The following DNPEP variants were observed in gnomAD, a reference collection of about 807,000 sequenced individuals.
DNPEP encodes the protein aspartyl aminopeptidase.
In DNPEP, 46 loss-of-function variants were observed where a neutral mutation model predicts 59.1. The ratio of observed to expected loss-of-function variants is 0.78; its 90% CI spans 0.61 to 0.99. DNPEP has a LOEUF of 0.99. Ranked by LOEUF, DNPEP falls within the 50% of genes least tolerant of loss-of-function variation. The probability of loss-of-function intolerance (pLI) is 0.00; values close to 1 mark genes in which losing one functional copy is unlikely to be tolerated. For synonymous variants in DNPEP, 229 were observed against 242.2 expected (o/e 0.95, Z 0.50); for missense variants, 617 against 649.9 (o/e 0.95, Z 0.55).
intron 13 of DNPEP, among the ~76,000 whole-genome samples, chr2:219,376,307 G>C (rs1439347716): frequency 2.0e-5 from 3 of 151,926 alleles, no homozygotes; most frequent in Admixed American, 6.6e-5. Context: ...GGCCAACATG[G>C]TGAAACCCTG....
rs751350910 is a variant in DNPEP at position 219,375,024 on chromosome 2, T to A, written c.1240-2A>T. The A allele has an allele frequency of 6.2e-7, 1 of 1,613,810 alleles. No homozygotes were observed. The highest frequency in any genetic ancestry group is 2.2e-5 in the East Asian group (1 of 44,860). ...GGTGTCATTCCGGACCATGAGATCC[T>A]AGGGAGAGCAGGAGACCCATGAGCA... On this transcript the variant is annotated splice_acceptor_variant, in intron 13 of 14. Transcript: ENST00000273075. LOFTEE classifies it high-confidence loss of function.
chr2:219,388,147 G>A, upstream of DNPEP: 1 of 164,620 alleles, frequency 6.1e-6, no homozygotes, highest in Non-Finnish European at 1.1e-5. Context: ...CCTGCCCCTC[G>A]CAGGGCTGCA....
At chr2:219,390,927 G>A (rs962925273), upstream of DNPEP, among the ~76,000 whole-genome samples, 19 of 152,212 alleles carry the variant, frequency 1.2e-4, no homozygotes, top group African/African-American at 3.4e-4. Flanking sequence ...AAGTGTTGGA[G>A]AAGGCTTGGG....
At chr2:219,376,557 T>A (rs1036532179) in intron 13 of DNPEP, among the ~76,000 whole-genome samples, 1 of 151,630 alleles carries the variant, frequency 6.6e-6, no homozygotes, top group African/African-American at 2.4e-5. Flanking sequence ...TGAGACGACA[T>A]TTCACCTTGA....
Position 219,381,722 on chromosome 2 carries a change from A to G in DNPEP, c.1098-138T>C, listed in dbSNP as rs1385610540. On this transcript the variant is annotated intron_variant, in intron 11 of 14. Coordinates refer to ENST00000273075, the MANE Select transcript of DNPEP (RefSeq NM_012100.4). ...CAGTGGGACTTCAGAGTCATTCCAC[A>G]CACAGGGTTCCGGGCAGCCTCTAGC... The G allele has an allele frequency of 5.5e-6, 6 of 1,082,186 alleles. No homozygotes were observed. The African/African-American group carries it at 6.2e-5, about 11-fold the overall frequency. The allele number at this position is 1,082,186 out of a possible 1,614,324, so 67.0% of individuals were successfully genotyped here.
rs1553601060 is a variant in DNPEP, at chr2:219,386,374, T to C, written c.371A>G (p.Gln124Arg). The C allele has an allele frequency of 3.1e-6, 5 of 1,614,236 alleles. No homozygotes were observed. The South Asian group carries it at 4.4e-5, about 14-fold the overall frequency. The change falls in exon 5 of 15, where the codon CAG becomes CGG. Residue 124 changes from glutamine (Q) to arginine (R), a missense_variant. Coordinates refer to ENST00000273075, the MANE Select transcript of DNPEP (RefSeq NM_012100.4). ...RRSRRSQVGF[Q>R]QVGVETYGGG... ...ACCATAGGTCTCCACACCGACTTGC[T>C]GGAAGCCCACCTGGCTGCGGCGAGA... is the stretch of plus-strand genomic sequence containing the variant.
intron 1 of DNPEP, among the ~76,000 whole-genome samples, chr2:219,398,014 T>A (rs1954126658): frequency 1.3e-5 from 2 of 152,198 alleles, no homozygotes. Context: ...GGATTACAGT[T>A]GTGAGCCATC....
chr2:219,387,917 G>A, upstream of DNPEP: 1 of 1,365,318 alleles, frequency 7.3e-7, no homozygotes, highest in Non-Finnish European at 9.4e-7. Flanking sequence ...CGCTTCCCCG[G>A]CCGCGCCGCC....
chr2:219,387,855 C>A lies in DNPEP; in HGVS notation c.-61G>T. The stretch of plus-strand genomic sequence containing the variant: ...CCTGCCCCGCCCCTCACTAGCTTTG[C>A]AGGTCCCCCGCGTGCCCCTTCAGGC... On this transcript the variant is annotated 5_prime_UTR_variant, in exon 1 of 15. Coordinates refer to ENST00000273075, the MANE Select transcript of DNPEP (RefSeq NM_012100.4). The A allele has an allele frequency of 6.6e-7, 1 of 1,506,942 alleles. No individual in the cohort carries two copies. The allele number at this position is 1,506,942 out of a possible 1,614,324, so 93.3% of individuals were successfully genotyped here. A position where few individuals can be genotyped will look rare whatever the true frequency, so the allele number is the denominator to read the frequency against.
In DNPEP at chr2:219,385,503, G is replaced by C; in HGVS notation, c.695C>G (p.Ser232Cys). The change falls in exon 8 of 15, where the codon TCC becomes TGC. Residue 232 changes from serine to cysteine, a missense_variant. By Grantham distance (112) the Ser-to-Cys change is moderately radical (BLOSUM62 -1). Coordinates refer to ENST00000273075, the MANE Select transcript of DNPEP (RefSeq NM_012100.4). ...CAGCCCCAGATGGGCACAGAGCAGG[G>C]ACATGAGGACCGAATGGTGCCGCTC... ...VDERHHSVLM[S>C]LLCAHLGLSP... The C allele has an allele frequency of 6.2e-7, 1 of 1,604,988 alleles. No homozygotes were observed. The highest frequency in any genetic ancestry group is 8.5e-7 in the Non-Finnish European group (1 of 1,172,486).
At chr2:219,386,551 T>C in intron 4 of DNPEP, 114 bp downstream of exon 4, 1 of 1,451,168 alleles carries the variant, frequency 6.9e-7, no homozygotes, top group Non-Finnish European at 9.4e-7. Context: ...CCAACAAGTT[T>C]ACCTTCTCCC....
chr2:219,392,407 C>T (rs1043149235), upstream of DNPEP, among the ~76,000 whole-genome samples: 13 of 151,318 alleles, frequency 8.6e-5, no homozygotes, highest in African/African-American at 2.7e-4. Flanking sequence ...AGGGCAGTGG[C>T]AACCATCTCA....
intron 13 of DNPEP, among the ~76,000 whole-genome samples, chr2:219,376,744 T>C (rs1953389565): frequency 6.6e-6 from 1 of 152,158 alleles, no homozygotes; most frequent in African/African-American, 2.4e-5. Flanking sequence ...CTAATGAAAT[T>C]ACTGATTTAG....
intron 1 of DNPEP, chr2:219,387,408 G>A (rs935712572): frequency 1.4e-6 from 2 of 1,437,786 alleles, no homozygotes; most frequent in South Asian, 3.0e-5. Context: ...GACTCCCTAA[G>A]TCCCGCCCCC....
intron 10 of DNPEP, 26 bp from the exon 11 acceptor site, chr2:219,382,165 G>T: frequency 6.3e-7 from 1 of 1,599,456 alleles, no homozygotes; most frequent in East Asian, 2.2e-5. Context: ...TCCTGACTCT[G>T]GGAATCTGGG....
At chr2:219,385,805 C>T (rs1477765428) in intron 6 of DNPEP, 99 bp from the exon 7 acceptor site, 7 of 1,408,070 alleles carry the variant, frequency 5.0e-6, no homozygotes, top group Non-Finnish European at 5.8e-6. Context: ...CTGCCTCTGC[C>T]CTTCAATTCC....
At chr2:219,397,251 A>G (rs1954114425) in intron 1 of DNPEP, among the ~76,000 whole-genome samples, 1 of 143,316 alleles carries the variant, frequency 7.0e-6, no homozygotes. Context: ...ACATTCAGAG[A>G]CATCAGACAG....
At chr2:219,384,559 G>T in intron 8 of DNPEP, 116 bp from the exon 9 acceptor site, 1 of 754,230 alleles carries the variant, frequency 1.3e-6, no homozygotes, top group East Asian at 3.1e-5. Flanking sequence ...CCTGGCTTAG[G>T]GCACTATTTT....
chr2:219,396,382 G>A (rs747526763), intron 1 of DNPEP, among the ~76,000 whole-genome samples: 5 of 152,140 alleles, frequency 3.3e-5, no homozygotes, highest in Non-Finnish European at 7.4e-5. Flanking sequence ...GAGGTCAGGA[G>A]TTCGAGACCA....
Sources: allele counts gnomAD v4.1 joint callset (sites outside exome capture counted in the v4.1 genomes callset), GRCh38; gene constraint gnomAD v4.1.1; transcripts MANE v1.5; gene names NCBI Gene and HGNC (gene_info 2026-07-23, HGNC 2026-07-21).